KLHL1: variants seen among roughly 807,000 people sequenced by gnomAD.
KLHL1 encodes kelch like family member 1, also known as kelch-like protein 1.
In KLHL1, 47 loss-of-function variants were observed where a neutral mutation model predicts 77.7. The observed-to-expected ratio is 0.60, with a 90% CI of 0.48 to 0.77. The LOEUF is 0.77. Ranked by LOEUF, KLHL1 falls within the 30% of genes least tolerant of loss-of-function variation. The pLI is 0.00. For synonymous variants in KLHL1, 360 were observed against 325.2 expected (o/e 1.11, Z -1.15); for missense variants, 925 against 910.8 (o/e 1.02, Z -0.20).
intron 6 of KLHL1, among the ~76,000 whole-genome samples, chr13:69,806,971 C>G (rs1372468890): frequency 6.6e-6 from 1 of 152,208 alleles, no homozygotes; most frequent in Admixed American, 6.5e-5. Context: ...TCCACAGCTT[C>G]TTGTTCACAC....
chr13:69,904,856 C>T (rs139993384), intron 4 of KLHL1, among the ~76,000 whole-genome samples: 1,632 of 152,194 alleles, frequency 0.011, 23 homozygotes, highest in African/African-American at 0.037. Context: ...CCTTTAACTG[C>T]CTTGGAATCT....
intron 4 of KLHL1, among the ~76,000 whole-genome samples, chr13:69,933,928 A>T (rs78495716): frequency 0.013 from 1,959 of 152,226 alleles, 48 homozygotes; most frequent in African/African-American, 0.044. Context: ...ACTTAATATT[A>T]TGGGCAATAT....
At chr13:69,935,065 A>T (rs1384594077) in intron 4 of KLHL1, among the ~76,000 whole-genome samples, 1 of 150,302 alleles carries the variant, frequency 6.7e-6, no homozygotes. Flanking sequence ...ATACACATAT[A>T]TAGGCATAAA....
At chr13:69,752,084 CA>C (rs1320914289) in intron 7 of KLHL1, among the ~76,000 whole-genome samples, 1 of 152,054 alleles carries the variant, frequency 6.6e-6, no homozygotes, top group Non-Finnish European at 1.5e-5. Context: ...AGTGTTGTTA[CA>C]AGGATTTAAT....
At chr13:69,719,171 T>A (rs1872912445) in intron 9 of KLHL1, among the ~76,000 whole-genome samples, 198 bp downstream of exon 9, 1 of 147,174 alleles carries the variant, frequency 6.8e-6, no homozygotes, top group African/African-American at 2.5e-5. Context: ...AATAAGAAAA[T>A]AAAAGAAAGT....
chr13:69,844,985 G>A (rs1305832346), intron 5 of KLHL1, among the ~76,000 whole-genome samples: 2 of 151,576 alleles, frequency 1.3e-5, no homozygotes, highest in African/African-American at 4.8e-5. Flanking sequence ...CGCAGGATGA[G>A]ACATCTGTGA....
chr13:69,963,426 T>C (rs1406472076), intron 2 of KLHL1, among the ~76,000 whole-genome samples: 1 of 152,210 alleles, frequency 6.6e-6, no homozygotes, highest in Non-Finnish European at 1.5e-5. Flanking sequence ...AAGTGGTTAC[T>C]CTACGGCAGC....
chr13:69,817,749 T>C (rs1186327570), intron 6 of KLHL1, among the ~76,000 whole-genome samples: 1 of 152,188 alleles, frequency 6.6e-6, no homozygotes, highest in Non-Finnish European at 1.5e-5. Context: ...GATATGTTTA[T>C]TATCATTTGC....
chr13:70,046,888 G>C (rs1886513108), intron 1 of KLHL1, among the ~76,000 whole-genome samples: 1 of 152,118 alleles, frequency 6.6e-6, no homozygotes, highest in Non-Finnish European at 1.5e-5. Flanking sequence ...AAAGCATTAA[G>C]GAAATTGTTT....
At chr13:69,735,598 TATAA>T (rs1190847095) in intron 8 of KLHL1, among the ~76,000 whole-genome samples, 12 of 149,978 alleles carry the variant, frequency 8.0e-5, no homozygotes, top group African/African-American at 2.2e-4. Flanking sequence ...TATTAAAAAA[TATAA>T]ATAAACATGA....
chr13:70,068,198 G>A (rs1311253846), intron 1 of KLHL1, among the ~76,000 whole-genome samples: 5 of 151,814 alleles, frequency 3.3e-5, no homozygotes, highest in Admixed American at 6.6e-5. Context: ...AAAATTGGCC[G>A]GGCGTGGTGG....
At chr13:69,742,815 T>G (rs1022566237) in intron 7 of KLHL1, among the ~76,000 whole-genome samples, 1 of 152,168 alleles carries the variant, frequency 6.6e-6, no homozygotes, top group Non-Finnish European at 1.5e-5. Flanking sequence ...AACCATAAAC[T>G]TCAAATCTTG....
intron 8 of KLHL1, among the ~76,000 whole-genome samples, chr13:69,740,029 T>C (rs1306795787): frequency 1.3e-5 from 2 of 152,196 alleles, no homozygotes; most frequent in Admixed American, 6.5e-5. Context: ...TTGAGAATTC[T>C]TGATTTAGAG....
intron 6 of KLHL1, among the ~76,000 whole-genome samples, chr13:69,826,152 G>A (rs78638901): frequency 0.045 from 6,782 of 152,238 alleles, 207 homozygotes; most frequent in African/African-American, 0.076. Flanking sequence ...TAGAATGGTG[G>A]TTATTAGGAG....
At chr13:69,782,896 C>G (rs1221300013) in intron 7 of KLHL1, among the ~76,000 whole-genome samples, 5 of 152,206 alleles carry the variant, frequency 3.3e-5, no homozygotes, top group Admixed American at 6.5e-5. Flanking sequence ...AGCAGCCTAA[C>G]TGGGAGGCAC....
chr13:70,046,220 A>G (rs1886491468), intron 1 of KLHL1, among the ~76,000 whole-genome samples: 1 of 141,486 alleles, frequency 7.1e-6, no homozygotes, highest in South Asian at 2.2e-4. Flanking sequence ...TAAGTGTGAG[A>G]AAAAAAAAAA....
chr13:69,858,167 G>A (rs746617252), intron 5 of KLHL1, among the ~76,000 whole-genome samples: 1 of 151,974 alleles, frequency 6.6e-6, no homozygotes, highest in Non-Finnish European at 1.5e-5. Context: ...CAGCCATGTC[G>A]TCCAGGACCC....
intron 5 of KLHL1, among the ~76,000 whole-genome samples, chr13:69,851,071 T>C (rs761357414): frequency 1.6e-4 from 6 of 37,542 alleles, no homozygotes; most frequent in Non-Finnish European, 3.6e-4. Context: ...GTATTGTTTA[T>C]ACTTAGTAGT....
At chr13:69,793,380 A>G (rs1478877823) in intron 7 of KLHL1, among the ~76,000 whole-genome samples, 2 of 152,050 alleles carry the variant, frequency 1.3e-5, no homozygotes, top group African/African-American at 4.8e-5. Context: ...AATGAATATA[A>G]TTTTTATATG....
Sources: gnomAD v4.1 joint callset for allele counts (sites outside exome capture counted in the v4.1 genomes callset) on GRCh38, gnomAD v4.1.1 for gene constraint, MANE v1.5 for transcripts, NCBI Gene and HGNC (gene_info 2026-07-23, HGNC 2026-07-21) for gene names.